The following SLC25A53 variants were observed in gnomAD, a reference collection of about 807,000 sequenced individuals.
SLC25A53 encodes the protein mitochondrial carrier triple repeat protein 6.
In SLC25A53, 5 loss-of-function variants were observed where a neutral mutation model predicts 15.0. The ratio of observed to expected loss-of-function variants is 0.33; its 90% confidence interval spans 0.17 to 0.70. The LOEUF is 0.70. SLC25A53 is among the 30% of genes least tolerant of loss of function. The pLI is 0.67. For missense variants in SLC25A53, 216 were observed against 241.6 expected (o/e 0.89, Z 0.70); for synonymous variants, 95 against 100.0 (o/e 0.95, Z 0.30).
In SLC25A53 at chrX:104,101,033, G is replaced by A. The variant is rs1164401099; in HGVS notation, c.*3301C>T. ...ATCCAAGCCTCCAGAACTTCTGACA[G>A]ATGGGCTTCAAGTTTGAGTTCACAT... On this transcript the variant is annotated 3_prime_UTR_variant, in exon 2 of 2. Transcript: ENST00000594199. 8.9e-6 allele frequency: 1 copy of A among 112,446 alleles called. No individual in the cohort carries two copies. The highest frequency in any genetic ancestry group is 1.9e-5 in the Non-Finnish European group (1 of 53,384). The allele number at this position is 112,446 out of a possible 1,213,427, so 9.3% of individuals were successfully genotyped here.
At chrX:104,123,181 G>A (rs1556363287) in intron 1 of SLC25A53, among the ~76,000 whole-genome samples, 1 of 112,630 alleles carries the variant, frequency 8.9e-6, no homozygotes. Flanking sequence ...TCTTCACAGA[G>A]AATTTCATTA....
intron 1 of SLC25A53, among the ~76,000 whole-genome samples, chrX:104,129,895 T>TGTGTGTGC (rs1277787552): frequency 1.0e-5 from 1 of 100,155 alleles, no homozygotes; most frequent in Non-Finnish European, 2.0e-5. Flanking sequence ...TGTGTGTGTG[T>TGTGTGTGC]GCCATTCAAA....
At chrX:104,112,926 G>A (rs1352650578) in intron 1 of SLC25A53, 1 of 110,513 alleles carries the variant, frequency 9.0e-6, no homozygotes, top group African/African-American at 3.3e-5. Flanking sequence ...CCCTTGGCCT[G>A]GTTGCGCTGA....
At chrX:104,131,896 C>T (rs1556365540) in intron 1 of SLC25A53, among the ~76,000 whole-genome samples, 1 of 111,673 alleles carries the variant, frequency 9.0e-6, no homozygotes, top group Non-Finnish European at 1.9e-5. Context: ...ATTCGTCTTC[C>T]TTACACGTGC....
At position 104,102,326 on chromosome X, in the gene SLC25A53, C is replaced by G. The variant is rs1182516675; in HGVS notation, c.*2008G>C. 8.9e-6 allele frequency: 1 copy of G among 112,207 alleles called. No individual in the cohort carries two copies. The highest frequency in any genetic ancestry group is 9.4e-5 in the Admixed American group (1 of 10,586). 9.2% of individuals were successfully genotyped at this position (112,207 alleles called of 1,213,427 possible). A position where few individuals can be genotyped will look rare whatever the true frequency, so the allele number is the denominator to read the frequency against. The stretch of plus-strand genomic sequence containing the variant: ...TATAACACATGTCATCTTGGAAATC[C>G]TCAAAATTCCAGAGTTGAAACAAAT... On this transcript the variant is annotated 3_prime_UTR_variant, in exon 2 of 2. Coordinates refer to ENST00000594199, the MANE Select transcript of SLC25A53 (RefSeq NM_001012755.5).
rs1286245984 is a variant in SLC25A53, at chrX:104,134,413, T to C, written c.-32+22465A>G. Among the ~76,000 whole-genome samples, 4 of 111,243 alleles carry C rather than the reference T, an allele frequency of 3.6e-5. No homozygotes were observed. The Admixed American group carries it at 3.8e-4, about 11-fold the overall frequency. Reference sequence around the variant, plus strand: ...TTTTGGATGGCTAATAACTCACAGCTGAACCTGATGCTAACTGACAACCCC... The same window carrying C: ...TTTTGGATGGCTAATAACTCACAGCCGAACCTGATGCTAACTGACAACCCC... On this transcript the variant is annotated intron_variant, in intron 1 of 1. Transcript: ENST00000594199.
intron 1 of SLC25A53, among the ~76,000 whole-genome samples, chrX:104,123,470 G>C (rs2075400817): frequency 8.9e-6 from 1 of 112,513 alleles, no homozygotes; most frequent in South Asian, 3.7e-4. Context: ...TCTAGGGTCA[G>C]GCAGGAAGCT....
chrX:104,117,424 G>A (rs1413069632), intron 1 of SLC25A53, among the ~76,000 whole-genome samples: 3 of 110,924 alleles, frequency 2.7e-5, no homozygotes, highest in Non-Finnish European at 5.7e-5. Flanking sequence ...ATGGCCTTAA[G>A]CCTCAGCCTC....
intron 1 of SLC25A53, among the ~76,000 whole-genome samples, chrX:104,129,600 C>A (rs2075419958): frequency 9.0e-6 from 1 of 110,542 alleles, no homozygotes; most frequent in African/African-American, 3.3e-5. Context: ...GAGTGCCTGA[C>A]AACTAAATTG....
In SLC25A53 at chrX:104,100,330, C is replaced by T. The variant is rs1320932042; in HGVS notation, c.*4004G>A. 3 of 110,452 alleles carry T rather than the reference C, an allele frequency of 2.7e-5. No homozygotes were observed. Among genetic ancestry groups the T allele is most frequent in the Non-Finnish European group, 5.7e-5 (3 of 52,810 alleles). The allele number at this position is 110,452 out of a possible 1,213,427, so 9.1% of individuals were successfully genotyped here. On this transcript the variant is annotated 3_prime_UTR_variant, in exon 2 of 2. Coordinates refer to ENST00000594199, the MANE Select transcript of SLC25A53 (RefSeq NM_001012755.5). ...TATTCTTTTTTTTGACTTTTTATAC[C>T]AAGTAATTTTAGTGTTAAATTGTAT...
At chrX:104,106,401 C>G (rs1556356150) in intron 1 of SLC25A53, among the ~76,000 whole-genome samples, 1 of 111,293 alleles carries the variant, frequency 9.0e-6, no homozygotes. Context: ...GAAGCCAGAG[C>G]TGCCACCTCA....
chrX:104,105,881 G>T (rs782816118), intron 1 of SLC25A53, among the ~76,000 whole-genome samples: 2 of 112,130 alleles, frequency 1.8e-5, no homozygotes, highest in African/African-American at 3.2e-5. Context: ...GCTTCTGGAA[G>T]TTCAGTGCCT....
At chrX:104,121,460 A>G (rs1465446832) in intron 1 of SLC25A53, among the ~76,000 whole-genome samples, 1 of 111,040 alleles carries the variant, frequency 9.0e-6, no homozygotes, top group Non-Finnish European at 1.9e-5. Flanking sequence ...TTACTGGAAC[A>G]AGCACTATGT....
Position 104,105,016 on chromosome X carries a change from A to T in SLC25A53, c.242T>A (p.Ile81Asn). Residue 81 changes from isoleucine to asparagine, a missense_variant, in exon 2 of 2, where the codon ATC becomes AAC. Ile to Asn is a moderately radical substitution (Grantham distance 149, BLOSUM62 -3). Coordinates refer to ENST00000594199, the MANE Select transcript of SLC25A53 (RefSeq NM_001012755.5). ...CGTCTTGGAGAGAAGAGGAGGGTAG[A>T]TTCCCCGGTAGAAGTATTGAGGACC... ...HEGPQYFYRGIYPPLLSKTLQ... is the reference protein window; with the variant it reads ...HEGPQYFYRGNYPPLLSKTLQ... The T allele has an allele frequency of 8.3e-7, 1 of 1,211,756 alleles. No individual in the cohort carries two copies. Among genetic ancestry groups the T allele is most frequent in the South Asian group, 1.8e-5 (1 of 57,005 alleles).
At chrX:104,147,354 A>C (rs1420676311) in intron 1 of SLC25A53, among the ~76,000 whole-genome samples, 1 of 111,563 alleles carries the variant, frequency 9.0e-6, no homozygotes, top group Non-Finnish European at 1.9e-5. Context: ...AAAACCCTAG[A>C]AAACCTAGGC....
At chrX:104,122,465 C>G (rs2075398136) in intron 1 of SLC25A53, among the ~76,000 whole-genome samples, 1 of 109,293 alleles carries the variant, frequency 9.1e-6, no homozygotes, top group Non-Finnish European at 1.9e-5. Context: ...CCTCCAGATC[C>G]ACAGCCCCAA....
At position 104,103,703 on chromosome X, in the gene SLC25A53, C is replaced by A. The variant is rs1246130769; in HGVS notation, c.*631G>T. The A allele has an allele frequency of 1.8e-5, 2 of 111,854 alleles. No homozygotes were observed. The allele number at this position is 111,854 out of a possible 1,213,427, so 9.2% of individuals were successfully genotyped here. A position where few individuals can be genotyped will look rare whatever the true frequency, so the allele number is the denominator to read the frequency against. On this transcript the variant is annotated 3_prime_UTR_variant, in exon 2 of 2. Transcript: ENST00000594199. ...TTTCAAAGTTTTTATTCTTTCCATCCATGGGCCACGCCTCTTCTCACTCCC... is the reference window on the plus strand; with the variant it reads ...TTTCAAAGTTTTTATTCTTTCCATCAATGGGCCACGCCTCTTCTCACTCCC...
chrX:104,126,153 T>G (rs1428985950), intron 1 of SLC25A53, among the ~76,000 whole-genome samples: 1 of 107,643 alleles, frequency 9.3e-6, no homozygotes, highest in Non-Finnish European at 1.9e-5. Context: ...TACAAAAAAA[T>G]TAAAAATTAG....
At chrX:104,119,011 G>A (rs782346674) in intron 1 of SLC25A53, among the ~76,000 whole-genome samples, 1 of 111,813 alleles carries the variant, frequency 8.9e-6, no homozygotes, top group East Asian at 2.8e-4. Context: ...TTCAGTTCAG[G>A]TATCAAGTTT....
Sources: gnomAD v4.1 joint callset for allele counts (sites outside exome capture counted in the v4.1 genomes callset) on GRCh38, gnomAD v4.1.1 for gene constraint, MANE v1.5 for transcripts, NCBI Gene and HGNC (gene_info 2026-07-23, HGNC 2026-07-21) for gene names.